ASIC2: variants seen among roughly 807,000 people sequenced by gnomAD.
ASIC2 encodes the protein acid-sensing ion channel 2.
In ASIC2, 25 loss-of-function variants were observed where a neutral mutation model predicts 57.3. That is an observed-to-expected ratio of 0.44 (90% CI 0.32 to 0.61). The LOEUF (loss-of-function observed/expected upper bound fraction) is 0.61. Ranked by LOEUF, ASIC2 falls within the 20% of genes least tolerant of loss-of-function variation. ASIC2 has a pLI of 0.06. For synonymous variants in ASIC2, 319 were observed against 307.5 expected, an observed-to-expected ratio of 1.04 and a Z score of -0.39; for missense variants, 641 against 738.1, an observed-to-expected ratio of 0.87 and a Z score of 1.52.
intron 1 of ASIC2, among the ~76,000 whole-genome samples, chr17:33,287,486 T>C (rs943790270): frequency 6.6e-6 from 1 of 152,206 alleles, no homozygotes; most frequent in Non-Finnish European, 1.5e-5. Context: ...TCCCTTCTTC[T>C]GGCCCAGGAA....
At chr17:33,696,485 G>A (rs2142066739) in intron 1 of ASIC2, among the ~76,000 whole-genome samples, 1 of 152,318 alleles carries the variant, frequency 6.6e-6, no homozygotes, top group Non-Finnish European at 1.5e-5. Context: ...AAAGCACTAG[G>A]TAACATACAA....
intron 1 of ASIC2, among the ~76,000 whole-genome samples, chr17:33,597,833 T>G (rs138842657): frequency 2.0e-5 from 3 of 152,318 alleles, no homozygotes; most frequent in Admixed American, 2.0e-4. Context: ...CATCCCCTTG[T>G]ATTCTGTCCT....
chr17:33,682,960 C>G (rs1454320360), intron 1 of ASIC2, among the ~76,000 whole-genome samples: 1 of 152,226 alleles, frequency 6.6e-6, no homozygotes, highest in African/African-American at 2.4e-5. Flanking sequence ...TCATTGTATT[C>G]TTTTGCTAGG....
At chr17:33,770,909 A>C (rs1911083657) in intron 1 of ASIC2, among the ~76,000 whole-genome samples, 1 of 152,182 alleles carries the variant, frequency 6.6e-6, no homozygotes, top group Admixed American at 6.5e-5. Flanking sequence ...ACCTTCTGGC[A>C]CAAAGGAACA....
At chr17:33,539,001 A>G (rs1259602084) in intron 1 of ASIC2, among the ~76,000 whole-genome samples, 2 of 152,200 alleles carry the variant, frequency 1.3e-5, no homozygotes, top group Admixed American at 1.3e-4. Context: ...GTGGACTCAG[A>G]AGAGGTTAAT....
chr17:33,915,838 T>C (rs928842690), intron 1 of ASIC2, among the ~76,000 whole-genome samples: 6 of 152,108 alleles, frequency 3.9e-5, no homozygotes, highest in African/African-American at 1.4e-4. Flanking sequence ...AAGAGGAGAA[T>C]CAAGTTTGGG....
intron 1 of ASIC2, among the ~76,000 whole-genome samples, chr17:33,866,957 C>A (rs1425623977): frequency 6.6e-6 from 1 of 152,182 alleles, no homozygotes; most frequent in Non-Finnish European, 1.5e-5. Flanking sequence ...GTCCCTTGGA[C>A]ACATCAGTCA....
chr17:33,394,687 C>T (rs934560625), intron 1 of ASIC2, among the ~76,000 whole-genome samples: 1 of 152,122 alleles, frequency 6.6e-6, no homozygotes, highest in African/African-American at 2.4e-5. Context: ...GTGAGTGCCT[C>T]CTTAAGTTTT....
chr17:33,125,432 C>T (rs181393967), intron 1 of ASIC2, among the ~76,000 whole-genome samples: 31 of 152,296 alleles, frequency 2.0e-4, no homozygotes, highest in Admixed American at 1.9e-3. Context: ...TTCATTGTGC[C>T]ACAGTTCCTT....
chr17:33,456,929 G>A (rs1418624939), intron 1 of ASIC2, among the ~76,000 whole-genome samples: 1 of 152,212 alleles, frequency 6.6e-6, no homozygotes, highest in Admixed American at 6.5e-5. Context: ...GTGGCAAAGT[G>A]TCTAAATTGC....
At chr17:33,498,707 A>G (rs1430409631) in intron 1 of ASIC2, among the ~76,000 whole-genome samples, 1 of 152,220 alleles carries the variant, frequency 6.6e-6, no homozygotes, top group Admixed American at 6.5e-5. Flanking sequence ...CGGGGCTCAC[A>G]GGCCGTGGAA....
intron 1 of ASIC2, chr17:34,078,917 C>G (rs1909772565): frequency 6.6e-6 from 1 of 152,252 alleles, no homozygotes; most frequent in Non-Finnish European, 1.5e-5. Flanking sequence ...AGAAGCTTAT[C>G]CTCACCCAGA....
At chr17:33,800,375 C>T (rs1912097064) in intron 1 of ASIC2, among the ~76,000 whole-genome samples, 2 of 152,196 alleles carry the variant, frequency 1.3e-5, no homozygotes, top group South Asian at 2.1e-4. Context: ...ACCTATATGA[C>T]TCCAGAGTTT....
chr17:33,256,198 G>A (rs559128999), intron 1 of ASIC2, among the ~76,000 whole-genome samples: 5 of 152,244 alleles, frequency 3.3e-5, no homozygotes, highest in South Asian at 2.1e-4. Flanking sequence ...TGGCCACAGC[G>A]ATTAGTAAAA....
intron 1 of ASIC2, chr17:34,147,063 A>C (rs1253869691): frequency 1.3e-5 from 2 of 152,258 alleles, no homozygotes; most frequent in Non-Finnish European, 2.9e-5. Flanking sequence ...AAATAGATAA[A>C]TAGATCTGGT....
At chr17:33,060,367 G>T (rs1288087771) in intron 3 of ASIC2, among the ~76,000 whole-genome samples, 5 of 152,154 alleles carry the variant, frequency 3.3e-5, no homozygotes, top group Non-Finnish European at 7.4e-5. Context: ...TCCAGTTTCA[G>T]CTTTCTACGT....
intron 1 of ASIC2, among the ~76,000 whole-genome samples, chr17:33,507,458 T>C (rs570403910): frequency 3.3e-5 from 5 of 152,352 alleles, no homozygotes; most frequent in African/African-American, 1.2e-4. Flanking sequence ...TTTATTCTAT[T>C]TGGAGTTTGC....
intron 1 of ASIC2, among the ~76,000 whole-genome samples, chr17:33,690,743 G>GTTTTTTTTTTTTTT (rs527881591): frequency 2.4e-5 from 2 of 81,676 alleles, no homozygotes; most frequent in Non-Finnish European, 4.3e-5. Context: ...ACTCTTCATT[G>GTTTTTTTTTTTTTT]TTTTTTTTTT....
intron 1 of ASIC2, among the ~76,000 whole-genome samples, chr17:33,728,815 C>T (rs758212949): frequency 3.9e-5 from 6 of 152,096 alleles, no homozygotes; most frequent in African/African-American, 9.7e-5. Context: ...AGAGCTGCAG[C>T]GCCTATGCCC....
Sources: allele counts gnomAD v4.1 joint callset (sites outside exome capture counted in the v4.1 genomes callset), GRCh38; gene constraint gnomAD v4.1.1; transcripts MANE v1.5; gene names NCBI Gene and HGNC (gene_info 2026-07-23, HGNC 2026-07-21).